The following IRAK1BP1 variants were observed in gnomAD, a reference collection of about 807,000 sequenced individuals.
The protein encoded by IRAK1BP1 is interleukin 1 receptor associated kinase 1 binding protein 1.
In IRAK1BP1, 24 loss-of-function variants were observed where a neutral mutation model predicts 28.0. The observed-to-expected ratio is 0.86, with a 90% CI of 0.62 to 1.20. The LOEUF is 1.20. Among genes scored for constraint, IRAK1BP1 ranks in the 50% most tolerant of loss-of-function variants. The probability of loss-of-function intolerance (pLI) is 0.00; values close to 1 mark genes in which losing one functional copy is unlikely to be tolerated. For synonymous variants in IRAK1BP1, 131 were observed against 116.3 expected (o/e 1.13, Z -0.81); for missense variants, 336 against 316.7 (o/e 1.06, Z -0.46).
intron 1 of IRAK1BP1, among the ~76,000 whole-genome samples, chr6:78,869,938 G>C (rs549079862): frequency 1.3e-5 from 2 of 151,762 alleles, no homozygotes; most frequent in African/African-American, 4.8e-5. Flanking sequence ...GTGAAATCTC[G>C]TCTCTACTAA....
intron 4 of IRAK1BP1, chr6:78,936,433 A>G (rs1034898841): frequency 6.6e-6 from 1 of 151,882 alleles, no homozygotes; most frequent in Non-Finnish European, 1.5e-5. Flanking sequence ...GTTATAGTCT[A>G]TCATTGTGAC....
chr6:78,938,897 T>C (rs1043117189), intron 4 of IRAK1BP1: 1 of 151,674 alleles, frequency 6.6e-6, no homozygotes, highest in African/African-American at 2.4e-5. Context: ...CTAATATTTA[T>C]CCTTATCAGA....
chr6:78,872,001 T>A (rs1374553378), intron 1 of IRAK1BP1: 1 of 599,844 alleles, frequency 1.7e-6, no homozygotes. Flanking sequence ...CAGAGTGTAA[T>A]GCCAGGGAAT....
chr6:78,945,224 TA>T, intron 4 of IRAK1BP1: 1 of 1,112,048 alleles, frequency 9.0e-7, no homozygotes, highest in Non-Finnish European at 1.4e-6. Flanking sequence ...AAAGTGGATA[TA>T]AATGCTGATT....
chr6:78,931,307 G>A (rs1773039800), intron 4 of IRAK1BP1, among the ~76,000 whole-genome samples: 1 of 152,116 alleles, frequency 6.6e-6, no homozygotes, highest in African/African-American at 2.4e-5. Flanking sequence ...AGCTACTCAT[G>A]AGGCTAAGGC....
chr6:78,975,745 G>A, the IRAK1BP1 span, among the ~76,000 whole-genome samples: 3 of 151,934 alleles, frequency 2.0e-5, no homozygotes, highest in Admixed American at 6.6e-5. Context: ...CAAACAGAGA[G>A]CCAAATCATG....
chr6:78,870,161 A>G (rs1581985151), intron 1 of IRAK1BP1, among the ~76,000 whole-genome samples: 1 of 139,326 alleles, frequency 7.2e-6, no homozygotes, highest in Non-Finnish European at 1.5e-5. Context: ...GACTATCCTC[A>G]TCTCCTATCA....
rs563478625 is a variant in IRAK1BP1 at position 78,898,976 on chromosome 6, C to T, written c.*642C>T. ...GAGATTCCCAGACAGAAACAAAGGA[C>T]TATTACTCATGGCACAACAAGGAGC... On this transcript the variant is annotated 3_prime_UTR_variant, in exon 4 of 4. Coordinates refer to ENST00000369940, the MANE Select transcript of IRAK1BP1 (RefSeq NM_001010844.4). The T allele has an allele frequency of 6.6e-5, 10 of 152,288 alleles. No individual in the cohort carries two copies. Among genetic ancestry groups the T allele is most frequent in the Non-Finnish European group, 7.4e-5 (5 of 68,026 alleles). 9.4% of individuals were successfully genotyped at this position (152,288 alleles called of 1,614,324 possible).
At chr6:78,944,903 T>A (rs778829949) in intron 4 of IRAK1BP1, among the ~76,000 whole-genome samples, 8 of 152,204 alleles carry the variant, frequency 5.3e-5, no homozygotes, top group Admixed American at 3.9e-4. Context: ...CAGTAAGGTG[T>A]CAAAAGTTGT....
At chr6:78,892,516 T>G (rs187706468) in intron 2 of IRAK1BP1, among the ~76,000 whole-genome samples, 342 of 152,292 alleles carry the variant, frequency 2.2e-3, no homozygotes, top group Non-Finnish European at 4.2e-3. Flanking sequence ...GGATTTTACA[T>G]TTATTTATAT....
At chr6:78,891,457 A>G (rs1771657641) in intron 2 of IRAK1BP1, among the ~76,000 whole-genome samples, 1 of 146,788 alleles carries the variant, frequency 6.8e-6, no homozygotes, top group East Asian at 2.0e-4. Flanking sequence ...CTTAGTGTTT[A>G]GAGGAATTTT....
chr6:78,928,651 GT>G (rs1772956959), intron 4 of IRAK1BP1, among the ~76,000 whole-genome samples: 1 of 152,056 alleles, frequency 6.6e-6, no homozygotes, highest in Non-Finnish European at 1.5e-5. Flanking sequence ...CTAGCTGTGG[GT>G]CTCTAATATA....
the IRAK1BP1 span, chr6:78,957,457 T>G: frequency 6.6e-6 from 1 of 151,880 alleles, no homozygotes; most frequent in South Asian, 2.1e-4. Context: ...AAACTTTACC[T>G]TATTAATTAT....
At position 78,903,068 on chromosome 6, in the gene IRAK1BP1, A is replaced by T. The variant is rs1025147500; in HGVS notation, c.*4734A>T. On this transcript the variant is annotated 3_prime_UTR_variant, in exon 4 of 4. Transcript: ENST00000369940. ...GCCATGTCACCTGTGAATTATCATG[A>T]ATCCCACATCAAATGAACAAATACT... 3.1e-5 allele frequency: 47 copies of T among 1,531,964 alleles called. No individual in the cohort carries two copies. The highest frequency in any genetic ancestry group is 3.9e-5 in the Non-Finnish European group (45 of 1,143,298). The allele number at this position is 1,531,964 out of a possible 1,614,324, so 94.9% of individuals were successfully genotyped here. A position where few individuals can be genotyped will look rare whatever the true frequency, so the allele number is the denominator to read the frequency against.
At chr6:78,895,597 A>G (rs1383530926) in intron 2 of IRAK1BP1, among the ~76,000 whole-genome samples, 1 of 152,200 alleles carries the variant, frequency 6.6e-6, no homozygotes, top group Non-Finnish European at 1.5e-5. Context: ...AACATTCAGA[A>G]ATTGGTCAAT....
At chr6:78,969,283 G>A in the IRAK1BP1 span, among the ~76,000 whole-genome samples, 21 of 152,042 alleles carry the variant, frequency 1.4e-4, no homozygotes, top group Non-Finnish European at 2.5e-4. Context: ...CATACATACC[G>A]TGTACACATC....
intron 4 of IRAK1BP1, chr6:78,938,603 A>G (rs1773357677): frequency 6.6e-6 from 1 of 151,648 alleles, no homozygotes; most frequent in African/African-American, 2.4e-5. Context: ...TAACTGAAAG[A>G]CTCATTTTTC....
chr6:78,948,165 A>G (rs1773931526), downstream of IRAK1BP1, among the ~76,000 whole-genome samples: 1 of 152,188 alleles, frequency 6.6e-6, no homozygotes, highest in Admixed American at 6.5e-5. Context: ...TTAAAACACA[A>G]CTGTAACTTT....
At chr6:78,934,104 T>C (rs568558520) in intron 4 of IRAK1BP1, among the ~76,000 whole-genome samples, 7 of 152,240 alleles carry the variant, frequency 4.6e-5, no homozygotes, top group South Asian at 2.1e-4. Context: ...TCTGAGGGAA[T>C]AGAAGTCTCA....
Sources: gnomAD v4.1 joint callset for allele counts (sites outside exome capture counted in the v4.1 genomes callset) on GRCh38, gnomAD v4.1.1 for gene constraint, MANE v1.5 for transcripts, NCBI Gene and HGNC (gene_info 2026-07-23, HGNC 2026-07-21) for gene names.